FBXO4: variants seen among roughly 807,000 people sequenced by gnomAD.
The protein encoded by FBXO4 is F-box protein 4, also known as F-box only protein 4.
A neutral mutation model predicts 43.7 loss-of-function variants in FBXO4; 36 were observed. The ratio of observed to expected loss-of-function variants is 0.82; its 90% CI spans 0.63 to 1.09. FBXO4 has a LOEUF of 1.09. Ranked by LOEUF, FBXO4 falls within the 50% of genes least tolerant of loss-of-function variation. The pLI is 0.00. For synonymous variants in FBXO4, 180 were observed against 165.6 expected (o/e 1.09, Z -0.67); for missense variants, 435 against 474.1 (o/e 0.92, Z 0.77).
downstream of FBXO4, among the ~76,000 whole-genome samples, chr5:41,942,311 A>G (rs1279287230): frequency 6.6e-6 from 1 of 152,066 alleles, no homozygotes; most frequent in Non-Finnish European, 1.5e-5. Context: ...TTGTAGTTTT[A>G]CTATGGTGAG....
the FBXO4 span, among the ~76,000 whole-genome samples, chr5:42,018,625 A>T: frequency 6.6e-6 from 1 of 152,196 alleles, no homozygotes; most frequent in Non-Finnish European, 1.5e-5. Context: ...AGATTATTTC[A>T]TATTTTTACA....
intron 2 of FBXO4, 82 bp downstream of exon 2, chr5:41,927,330 C>G: frequency 1.3e-5 from 13 of 1,022,098 alleles, no homozygotes; most frequent in Non-Finnish European, 1.9e-5. Flanking sequence ...AATCCTGACC[C>G]TGCTACTGAT....
the FBXO4 span, among the ~76,000 whole-genome samples, chr5:41,984,510 T>C: frequency 1.3e-5 from 2 of 152,202 alleles, no homozygotes; most frequent in African/African-American, 2.4e-5. Context: ...GTCTCACTTA[T>C]ACTCTTGGGC....
At chr5:41,933,760 T>C (rs1751762213) in intron 3 of FBXO4, among the ~76,000 whole-genome samples, 186 bp from the exon 4 acceptor site, 1 of 152,184 alleles carries the variant, frequency 6.6e-6, no homozygotes, top group African/African-American at 2.4e-5. Context: ...TGTATTTTTA[T>C]TGTCATGTGA....
the FBXO4 span, among the ~76,000 whole-genome samples, chr5:41,985,491 A>T: frequency 7.9e-5 from 12 of 152,214 alleles, no homozygotes; most frequent in African/African-American, 2.9e-4. Context: ...CTTTATAATT[A>T]CTAAGGGATG....
chr5:42,035,073 T>C, the FBXO4 span, among the ~76,000 whole-genome samples: 2 of 152,062 alleles, frequency 1.3e-5, no homozygotes, highest in Admixed American at 6.6e-5. Context: ...TTTTATTCTC[T>C]TTGTAACAAT....
At chr5:41,934,628 G>C in intron 5 of FBXO4, 1 of 1,173,852 alleles carries the variant, frequency 8.5e-7, no homozygotes, top group Non-Finnish European at 1.1e-6. Flanking sequence ...TTTGGTACTA[G>C]AGCTATACAA....
chr5:42,036,258 A>G, the FBXO4 span, among the ~76,000 whole-genome samples: 1 of 151,744 alleles, frequency 6.6e-6, no homozygotes, highest in Non-Finnish European at 1.5e-5. Flanking sequence ...GTGGATGGGT[A>G]TGTGAGGAAA....
chr5:42,018,974 G>A, the FBXO4 span, among the ~76,000 whole-genome samples: 1 of 152,108 alleles, frequency 6.6e-6, no homozygotes, highest in Non-Finnish European at 1.5e-5. Flanking sequence ...ACAGAGCGAA[G>A]GGAACACTGG....
chr5:42,013,547 G>A, the FBXO4 span, among the ~76,000 whole-genome samples: 2 of 152,184 alleles, frequency 1.3e-5, no homozygotes, highest in East Asian at 3.9e-4. Flanking sequence ...TTAGTCAGTC[G>A]CTACACACTC....
chr5:41,987,759 G>GATA, the FBXO4 span, among the ~76,000 whole-genome samples: 2 of 152,102 alleles, frequency 1.3e-5, no homozygotes, highest in African/African-American at 4.8e-5. Flanking sequence ...TTACCAACCT[G>GATA]ATAATAAGCT....
the FBXO4 span, among the ~76,000 whole-genome samples, chr5:41,970,374 CT>C: frequency 6.6e-6 from 1 of 152,046 alleles, no homozygotes; most frequent in Admixed American, 6.5e-5. Flanking sequence ...TTTATTATAT[CT>C]TCACCTGTTA....
chr5:41,985,079 A>G, the FBXO4 span, among the ~76,000 whole-genome samples: 2 of 152,152 alleles, frequency 1.3e-5, no homozygotes, highest in Non-Finnish European at 2.9e-5. Flanking sequence ...CCTCTTTACA[A>G]ATATCCCTGC....
the FBXO4 span, among the ~76,000 whole-genome samples, chr5:41,994,121 T>G: frequency 1.3e-5 from 2 of 152,102 alleles, no homozygotes; most frequent in Non-Finnish European, 2.9e-5. Flanking sequence ...GTAAGGACAA[T>G]AATAAGGTCA....
At chr5:42,008,023 A>G in the FBXO4 span, among the ~76,000 whole-genome samples, 2 of 152,164 alleles carry the variant, frequency 1.3e-5, no homozygotes, top group Admixed American at 1.3e-4. Context: ...TAATGGACTC[A>G]GGAAGAATCA....
chr5:41,951,931 G>A, the FBXO4 span: 2 of 296,946 alleles, frequency 6.7e-6, no homozygotes, highest in South Asian at 4.1e-5. Context: ...GTAAACTTCA[G>A]CACAGCCTGG....
chr5:41,997,240 C>T, the FBXO4 span, among the ~76,000 whole-genome samples: 5 of 152,340 alleles, frequency 3.3e-5, no homozygotes, highest in East Asian at 9.6e-4. Context: ...GGAGTCACCA[C>T]TTGATTAAGC....
the FBXO4 span, among the ~76,000 whole-genome samples, chr5:41,969,948 T>C: frequency 2.0e-5 from 3 of 151,954 alleles, no homozygotes; most frequent in African/African-American, 7.2e-5. Flanking sequence ...GTGAAAGGTA[T>C]AGCTGAGAAT....
chr5:41,949,034 C>T, the FBXO4 span, among the ~76,000 whole-genome samples: 17 of 152,098 alleles, frequency 1.1e-4, no homozygotes, highest in African/African-American at 4.1e-4. Context: ...TAAAACCTCT[C>T]GATAAACTAG....
Sources: gnomAD v4.1 joint callset for allele counts (sites outside exome capture counted in the v4.1 genomes callset) on GRCh38, gnomAD v4.1.1 for gene constraint, MANE v1.5 for transcripts, NCBI Gene and HGNC (gene_info 2026-07-23, HGNC 2026-07-21) for gene names.